The following DMXL2 variants were observed in gnomAD, a reference collection of about 807,000 sequenced individuals.
DMXL2 encodes the protein dmX-like protein 2.
DMXL2 carries 103 observed loss-of-function variants against 331.1 expected under a neutral mutation model. The ratio of observed to expected loss-of-function variants is 0.31; its 90% CI spans 0.27 to 0.37. The LOEUF (loss-of-function observed/expected upper bound fraction) is 0.37. Ranked by LOEUF, DMXL2 falls within the 10% of genes least tolerant of loss-of-function variation. DMXL2 has a pLI of 1.00. For synonymous variants in DMXL2, 1,281 were observed against 1,252.1 expected (o/e 1.02, Z -0.49); for missense variants, 3,171 against 3,642.9 (o/e 0.87, Z 3.33).
intron 19 of DMXL2, among the ~76,000 whole-genome samples, chr15:51,493,037 A>C (rs2042919380): frequency 6.6e-6 from 1 of 152,192 alleles, no homozygotes; most frequent in African/African-American, 2.4e-5. Context: ...CTCATATAAC[A>C]ACTGTGTTTG....
chr15:51,613,401 C>A (rs751211567), intron 1 of DMXL2, among the ~76,000 whole-genome samples: 2 of 152,226 alleles, frequency 1.3e-5, no homozygotes, highest in Non-Finnish European at 2.9e-5. Flanking sequence ...GCCATAGCTT[C>A]AGCCTGTCCC....
intron 8 of DMXL2, among the ~76,000 whole-genome samples, chr15:51,543,858 A>G (rs969819312): frequency 2.0e-5 from 3 of 152,182 alleles, no homozygotes; most frequent in African/African-American, 7.2e-5. Flanking sequence ...TCAATTTAAC[A>G]AACACTTGAA....
At chr15:51,525,447 T>C (rs994464616) in intron 13 of DMXL2, among the ~76,000 whole-genome samples, 2 of 152,092 alleles carry the variant, frequency 1.3e-5, no homozygotes, top group Non-Finnish European at 2.9e-5. Context: ...TCTTGCATCT[T>C]AGGTACCAGC....
At chr15:51,485,034 C>CAAAAAAAAA (rs35332731) in intron 23 of DMXL2, among the ~76,000 whole-genome samples, 2 of 99,770 alleles carry the variant, frequency 2.0e-5, no homozygotes, top group Non-Finnish European at 2.0e-5. Context: ...TCAGGCAAAC[C>CAAAAAAAAA]AAAAAAAAAA....
chr15:51,587,400 C>T (rs557490191), intron 1 of DMXL2, among the ~76,000 whole-genome samples: 11 of 152,062 alleles, frequency 7.2e-5, no homozygotes, highest in East Asian at 3.9e-4. Flanking sequence ...TTCCCACCTA[C>T]GAGTGAGAAT....
rs528726754 is a variant in DMXL2 at position 51,587,665 on chromosome 15, A to G, written c.88-11484T>C. ...TGTCTTTATAGCAGCATGATTTATA[A>G]ACCTTTGGGTATATAGCCAGTAATG... On this transcript the variant is annotated intron_variant, in intron 1 of 43. Coordinates refer to ENST00000560891, the MANE Select transcript of DMXL2 (RefSeq NM_001378457.1). Among the ~76,000 whole-genome samples, 881 of 152,238 alleles carry G rather than the reference A, an allele frequency of 5.8e-3. 10 individuals carry two copies. Among genetic ancestry groups the G allele is most frequent in the African/African-American group, 0.02 (821 of 41,516 alleles).
intron 2 of DMXL2, among the ~76,000 whole-genome samples, chr15:51,573,433 C>CT (rs1379402348): frequency 6.6e-6 from 1 of 152,144 alleles, no homozygotes; most frequent in African/African-American, 2.4e-5. Flanking sequence ...ACAGCAAAGA[C>CT]TTAGAACCAA....
chr15:51,573,681 G>A (rs1336209454), intron 2 of DMXL2, among the ~76,000 whole-genome samples: 2 of 151,964 alleles, frequency 1.3e-5, no homozygotes, highest in Admixed American at 6.6e-5. Flanking sequence ...ATCACACACT[G>A]AGGCCTGTCA....
At chr15:51,449,987 G>A (rs1041651965) in intron 43 of DMXL2, 142 bp downstream of exon 43, 8 of 708,128 alleles carry the variant, frequency 1.1e-5, no homozygotes, top group South Asian at 3.8e-5. Context: ...ATGGGGAGGC[G>A]GCAGAGTGTT....
chr15:51,531,143 T>C (rs1038128905), intron 13 of DMXL2, among the ~76,000 whole-genome samples: 1 of 152,116 alleles, frequency 6.6e-6, no homozygotes, highest in South Asian at 2.1e-4. Flanking sequence ...ACTGCAGAGT[T>C]ACAGTAATCA....
At chr15:51,565,238 C>A in intron 3 of DMXL2, 72 bp from the exon 4 acceptor site, 1 of 914,146 alleles carries the variant, frequency 1.1e-6, no homozygotes, top group Non-Finnish European at 1.6e-6. Flanking sequence ...CAAAACACTA[C>A]CATTTTATCA....
intron 36 of DMXL2, chr15:51,457,734 A>G (rs2039761874): frequency 2.8e-6 from 1 of 362,196 alleles, no homozygotes; most frequent in African/African-American, 2.1e-5. Context: ...TATCTATGGA[A>G]AAATATTATG....
chr15:51,545,696 A>C lies in DMXL2; in HGVS notation c.817T>G (p.Leu273Val). ...GVCRLWAETL[L>V]PEDCLLGEQI... ...TCACCCAAAAGACAGTCTTCTGGTA[A>C]TAAAGTTTCTGCCCAGAGCCGGCAC... Residue 273 changes from leucine to valine, a missense_variant, in exon 8 of 44, where the codon TTA (leucine) becomes GTA (valine). Physicochemically the swap from Leu to Val is conservative, Grantham distance 32 (BLOSUM62 1). This residue lies in a region of DMXL2 where 1,674 missense variants were observed against 1,780.2 expected (regional missense o/e 0.94). Transcript: ENST00000560891. 3.1e-6 allele frequency: 5 copies of C among 1,613,760 alleles called. No homozygotes were observed. The highest frequency in any genetic ancestry group is 4.2e-6 in the Non-Finnish European group (5 of 1,179,730).
At chr15:51,553,139 C>T (rs1314847604) in intron 6 of DMXL2, among the ~76,000 whole-genome samples, 3 of 152,200 alleles carry the variant, frequency 2.0e-5, no homozygotes, top group Admixed American at 1.3e-4. Flanking sequence ...TTCTGGACAG[C>T]ACTTGTTAAT....
chr15:51,561,681 G>C (rs1037257013), intron 6 of DMXL2, among the ~76,000 whole-genome samples: 1 of 152,134 alleles, frequency 6.6e-6, no homozygotes, highest in African/African-American at 2.4e-5. Context: ...CCACTAATGG[G>C]TATTTATCCA....
At chr15:51,525,982 G>T (rs2047649595) in intron 13 of DMXL2, among the ~76,000 whole-genome samples, 2 of 151,878 alleles carry the variant, frequency 1.3e-5, no homozygotes, top group African/African-American at 2.4e-5. Context: ...GGTTACAGCA[G>T]GCTTTGGGCA....
intron 10 of DMXL2, 75 bp from the exon 11 acceptor site, chr15:51,537,834 T>C (rs1470148587): frequency 4.2e-6 from 6 of 1,415,454 alleles, no homozygotes; most frequent in Non-Finnish European, 5.6e-6. Context: ...ATAAATGGCA[T>C]ACTATCTTTA....
chr15:51,618,278 T>G (rs1301093492), intron 1 of DMXL2, among the ~76,000 whole-genome samples: 1 of 151,962 alleles, frequency 6.6e-6, no homozygotes, highest in African/African-American at 2.4e-5. Context: ...ACTTCTTCAA[T>G]AAACTCCCTG....
intron 1 of DMXL2, among the ~76,000 whole-genome samples, chr15:51,601,636 T>G (rs1403504743): frequency 6.6e-6 from 1 of 152,210 alleles, no homozygotes. Context: ...CAGACTGCCA[T>G]CTCACTATCT....
Sources: gnomAD v4.1 joint callset for allele counts (sites outside exome capture counted in the v4.1 genomes callset) on GRCh38, gnomAD v4.1.1 for gene constraint, gnomAD v4.1.1 regional missense constraint, MANE v1.5 for transcripts, NCBI Gene and HGNC (gene_info 2026-07-23, HGNC 2026-07-21) for gene names.